Variants in TGFBR3 observed in about 807,000 individuals in gnomAD.
TGFBR3 encodes transforming growth factor beta receptor 3.
A neutral mutation model predicts 87.9 loss-of-function variants in TGFBR3; 46 were observed. The ratio of observed to expected loss-of-function variants is 0.52; its 90% CI spans 0.41 to 0.67. The LOEUF is 0.67. TGFBR3 is among the 30% of genes least tolerant of loss of function. The pLI is 0.00. For synonymous variants in TGFBR3, 381 were observed against 391.6 expected, an observed-to-expected ratio of 0.97 and a Z score of 0.32; for missense variants, 866 against 1,041.9, an observed-to-expected ratio of 0.83 and a Z score of 2.32.
At chr1:91,763,972 T>G (rs904446584) in intron 3 of TGFBR3, among the ~76,000 whole-genome samples, 2 of 152,196 alleles carry the variant, frequency 1.3e-5, no homozygotes, top group Non-Finnish European at 2.9e-5. Flanking sequence ...TTTAGAGAAC[T>G]GGGTGTGGAG....
intron 1 of TGFBR3, among the ~76,000 whole-genome samples, chr1:91,865,851 G>A (rs955079428): frequency 6.6e-6 from 1 of 150,528 alleles, no homozygotes; most frequent in African/African-American, 2.5e-5. Context: ...GGCGGAGCTT[G>A]CAGTGAGCTG....
chr1:91,821,134 A>G (rs1310998259), intron 2 of TGFBR3, among the ~76,000 whole-genome samples: 2 of 152,096 alleles, frequency 1.3e-5, no homozygotes, highest in Admixed American at 6.5e-5. Flanking sequence ...GTTCGAGAGC[A>G]ACCTGGCCAA....
Position 91,821,844 on chromosome 1 carries a change from C to T in TGFBR3, c.62-24373G>A, listed in dbSNP as rs147570573. On this transcript the variant is annotated intron_variant, in intron 2 of 16. Transcript: ENST00000212355. ...GGATTACATAATGCATGCAAATATACGATACATATTAAATGGTCAATAAAT... is the reference window on the plus strand; with the variant it reads ...GGATTACATAATGCATGCAAATATATGATACATATTAAATGGTCAATAAAT... 2.9e-3 allele frequency among the ~76,000 whole-genome samples: 447 copies of T among 152,278 alleles called. 4 individuals carry two copies. The highest frequency in any genetic ancestry group is 0.01 in the African/African-American group (419 of 41,572).
intron 2 of TGFBR3, among the ~76,000 whole-genome samples, chr1:91,899,297 C>T (rs1679627276): frequency 6.6e-6 from 1 of 152,092 alleles, no homozygotes. Flanking sequence ...GCGGAAGGAT[C>T]ACTTGAGCCC....
At chr1:91,716,460 A>T in intron 11 of TGFBR3, 66 bp from the exon 12 acceptor site, 2 of 1,614,018 alleles carry the variant, frequency 1.2e-6, no homozygotes, top group Non-Finnish European at 1.7e-6. Context: ...CTGTAGCTTC[A>T]TGAGCTTTGG....
At chr1:91,881,345 C>T (rs141265758) in intron 1 of TGFBR3, among the ~76,000 whole-genome samples, 203 of 152,282 alleles carry the variant, frequency 1.3e-3, no homozygotes, top group Admixed American at 3.7e-3. Context: ...ACCAAGTTTG[C>T]ATGCAAGAGA....
At chr1:91,825,646 C>A (rs1049098019) in intron 2 of TGFBR3, among the ~76,000 whole-genome samples, 3 of 152,148 alleles carry the variant, frequency 2.0e-5, no homozygotes, top group Non-Finnish European at 4.4e-5. Context: ...TATTATATCT[C>A]AATAAACTTG....
chr1:91,796,140 T>C (rs1038316955), intron 3 of TGFBR3, among the ~76,000 whole-genome samples: 1 of 152,180 alleles, frequency 6.6e-6, no homozygotes, highest in African/African-American at 2.4e-5. Context: ...GGAGAGCGAA[T>C]ACCTGAGTGA....
In TGFBR3 at chr1:91,683,570, G is replaced by C. The variant is rs1670985641; in HGVS notation, c.*169C>G. 2.8e-6 allele frequency: 2 copies of C among 703,424 alleles called. No homozygotes were observed. The highest frequency in any genetic ancestry group is 3.0e-5 in the South Asian group (2 of 66,648). The allele number at this position is 703,424 out of a possible 1,614,324, so 43.6% of individuals were successfully genotyped here. ...CATGTTTATACTAGCCCTGGGTGTG[G>C]GGTGAATACAACGGGTGATCTTTAT... On this transcript the variant is annotated 3_prime_UTR_variant, in exon 17 of 17. Coordinates refer to ENST00000212355, the MANE Select transcript of TGFBR3 (RefSeq NM_003243.5).
At chr1:91,693,023 G>C (rs1333110024) in intron 16 of TGFBR3, among the ~76,000 whole-genome samples, 2 of 152,178 alleles carry the variant, frequency 1.3e-5, no homozygotes, top group Non-Finnish European at 2.9e-5. Context: ...GTCAGTATTT[G>C]TATCCTGGCT....
chr1:91,783,642 A>T (rs17887056), intron 3 of TGFBR3, among the ~76,000 whole-genome samples: 224 of 152,344 alleles, frequency 1.5e-3, no homozygotes, highest in African/African-American at 4.8e-3. Flanking sequence ...AAGCTTGAAA[A>T]GGCTGCCAAA....
At chr1:91,842,413 G>C (rs1240835496) in intron 2 of TGFBR3, among the ~76,000 whole-genome samples, 1 of 152,270 alleles carries the variant, frequency 6.6e-6, no homozygotes, top group African/African-American at 2.4e-5. Context: ...CTTCACTTGG[G>C]TTCTCCTGTC....
chr1:91,704,585 T>A (rs767401229), intron 14 of TGFBR3, among the ~76,000 whole-genome samples: 1 of 152,198 alleles, frequency 6.6e-6, no homozygotes, highest in Admixed American at 6.5e-5. Context: ...GGATAAAATA[T>A]AATAATCCAC....
chr1:91,727,799 G>A lies in TGFBR3; in HGVS notation c.745C>T (p.Gln249Ter). Residue 249 changes from glutamine (Q) to a stop codon, truncating the protein, a stop_gained, in exon 7 of 17, where the codon CAG (glutamine) becomes TAG (stop). Transcript: ENST00000212355. LOFTEE classifies it high-confidence loss of function. ...TPNSNPYSAF[Q>*]VDITIDIRPS... ...CTTATATCAATTGTTATATCCACCT[G>A]GAAAGCACTGTGAATGGAAGACAAA... is the stretch of plus-strand genomic sequence containing the variant. The A allele has an allele frequency of 6.2e-7, 1 of 1,613,748 alleles. No individual in the cohort carries two copies. Among genetic ancestry groups the A allele is most frequent in the Non-Finnish European group, 8.5e-7 (1 of 1,179,948 alleles).
In TGFBR3 at chr1:91,683,472, TGAGGGGCTGGTGGAG is replaced by T. The variant is rs1259081813; in HGVS notation, c.*252_*266del. ...TTCACATTGAAAACCCCCAAGCCTGTGAGGGGCTGGTGGAGAAGACCACCATTTTAGCTTTCTCAC... is the reference window on the plus strand; with the variant it reads ...TTCACATTGAAAACCCCCAAGCCTGTAAGACCACCATTTTAGCTTTCTCAC... On this transcript the variant is annotated 3_prime_UTR_variant, in exon 17 of 17. Transcript: ENST00000212355. The T allele has an allele frequency of 3.0e-6, 2 of 660,144 alleles. No individual in the cohort carries two copies. Among genetic ancestry groups the T allele is most frequent in the Admixed American group, 2.1e-5 (1 of 48,692 alleles). 40.9% of individuals were successfully genotyped at this position (660,144 alleles called of 1,614,324 possible). A position where few individuals can be genotyped will look rare whatever the true frequency, so the allele number is the denominator to read the frequency against.
At chr1:91,859,018 G>A (rs906360772) in intron 2 of TGFBR3, among the ~76,000 whole-genome samples, 15 of 150,710 alleles carry the variant, frequency 1.0e-4, no homozygotes, top group Non-Finnish European at 2.1e-4. Context: ...TGGCACCACT[G>A]CACTCCAGCC....
At position 91,700,113 on chromosome 1, in the gene TGFBR3, G is replaced by A. The variant is rs561153113; in HGVS notation, c.2288-1983C>T. 1.3e-4 allele frequency among the ~76,000 whole-genome samples: 20 copies of A among 152,286 alleles called. No individual in the cohort carries two copies. The South Asian group carries it at 2.3e-3, about 17-fold the overall frequency. On this transcript the variant is annotated intron_variant, in intron 14 of 16. Coordinates refer to ENST00000212355, the MANE Select transcript of TGFBR3 (RefSeq NM_003243.5). ...GCTGCTTTCATGCTGTAACAGCAGC[G>A]TTGAGTTGTTGAGACAGGGATTGTA...
intron 1 of TGFBR3, among the ~76,000 whole-genome samples, chr1:91,880,459 G>C (rs1182867752): frequency 6.6e-6 from 1 of 152,000 alleles, no homozygotes; most frequent in African/African-American, 2.4e-5. Context: ...TTAGCTGGGC[G>C]TGGTGGCGGG....
intron 2 of TGFBR3, among the ~76,000 whole-genome samples, chr1:91,856,063 AT>A (rs1237343675): frequency 2.0e-5 from 3 of 151,992 alleles, no homozygotes; most frequent in East Asian, 3.9e-4. Context: ...GAGGGAAAGC[AT>A]GAGTTTTTTG....
Sources: allele counts gnomAD v4.1 joint callset (sites outside exome capture counted in the v4.1 genomes callset), GRCh38; gene constraint gnomAD v4.1.1; transcripts MANE v1.5; gene names NCBI Gene and HGNC (gene_info 2026-07-23, HGNC 2026-07-21).